The following GREB1L variants were observed in gnomAD, a reference collection of about 807,000 sequenced individuals.
GREB1L encodes GREB1 like retinoic acid receptor coactivator.
In GREB1L, 17 loss-of-function variants were observed where a neutral mutation model predicts 200.8. The ratio of observed to expected loss-of-function variants is 0.08; its 90% CI spans 0.06 to 0.13. The LOEUF (loss-of-function observed/expected upper bound fraction) is 0.13, where lower values mean the gene tolerates loss of function less well. GREB1L is among the 10% of genes least tolerant of loss of function. The probability of loss-of-function intolerance (pLI) is 1.00; values close to 1 mark genes in which losing one functional copy is unlikely to be tolerated. For missense variants in GREB1L, 1,657 were observed against 2,367.7 expected, an observed-to-expected ratio of 0.70 and a Z score of 6.23; for synonymous variants, 789 against 893.0, an observed-to-expected ratio of 0.88 and a Z score of 2.08.
At chr18:21,365,056 T>C (rs1345823121) in intron 1 of GREB1L, among the ~76,000 whole-genome samples, 1 of 152,160 alleles carries the variant, frequency 6.6e-6, no homozygotes, top group Non-Finnish European at 1.5e-5. Context: ...TTATTTTGCC[T>C]GAAGACATTC....
In GREB1L at chr18:21,250,528, T is replaced by C. The variant is rs867647208; in HGVS notation, c.-120+8135T>C. On this transcript the variant is annotated intron_variant, in intron 1 of 32. Coordinates refer to ENST00000424526, the MANE Select transcript of GREB1L (RefSeq NM_001142966.3). ...AAGTCTTAGAACTACTACTCAAATG[T>C]ATCATTCTGTAATTTTAGTTATTTT... Among the ~76,000 whole-genome samples, 13 of 152,372 alleles carry C rather than the reference T, an allele frequency of 8.5e-5. No individual in the cohort carries two copies. In the South Asian group the frequency reaches 1.2e-3, roughly 15 times the overall value.
At chr18:21,288,982 C>T (rs1264289467) in intron 1 of GREB1L, among the ~76,000 whole-genome samples, 1 of 152,180 alleles carries the variant, frequency 6.6e-6, no homozygotes, top group Non-Finnish European at 1.5e-5. Flanking sequence ...ATGATCCACT[C>T]GCCTCGGCCT....
chr18:21,356,271 C>T (rs780829067), intron 1 of GREB1L, among the ~76,000 whole-genome samples: 23 of 152,096 alleles, frequency 1.5e-4, no homozygotes, highest in Non-Finnish European at 2.8e-4. Context: ...GCATTAGCCA[C>T]AGCACCCAGC....
chr18:21,270,527 G>C (rs534753697), intron 1 of GREB1L, among the ~76,000 whole-genome samples: 1 of 152,270 alleles, frequency 6.6e-6, no homozygotes, highest in Admixed American at 6.5e-5. Context: ...CAGGGTGTAA[G>C]AGTTCATAGG....
At chr18:21,451,478 CTTTTTTTTTTTTTTTT>C (rs58956525) in intron 13 of GREB1L, 25 of 77,560 alleles carry the variant, frequency 3.2e-4, no homozygotes, top group Non-Finnish European at 5.0e-4. Flanking sequence ...TCCTTCCTTC[CTTTTTTTTTTTTTTTT>C]TTTTTTTTTT....
chr18:21,305,358 C>A (rs762962889), intron 1 of GREB1L, among the ~76,000 whole-genome samples: 5 of 152,118 alleles, frequency 3.3e-5, no homozygotes, highest in Non-Finnish European at 7.4e-5. Context: ...ATTTACGTAC[C>A]TGTTTGATTC....
chr18:21,286,833 GAT>G (rs1463208680), intron 1 of GREB1L, among the ~76,000 whole-genome samples: 1 of 152,100 alleles, frequency 6.6e-6, no homozygotes, highest in African/African-American at 2.4e-5. Flanking sequence ...TGTTTTTAGA[GAT>G]AGGGTCTCAC....
intron 1 of GREB1L, among the ~76,000 whole-genome samples, chr18:21,288,840 T>A (rs1215542431): frequency 6.6e-6 from 1 of 151,968 alleles, no homozygotes; most frequent in African/African-American, 2.4e-5. Flanking sequence ...TGGTTTCAAG[T>A]GATTCTCCTG....
chr18:21,433,134 A>G (rs2033290233), intron 7 of GREB1L, among the ~76,000 whole-genome samples: 1 of 152,222 alleles, frequency 6.6e-6, no homozygotes, highest in Non-Finnish European at 1.5e-5. Context: ...CAATATGTTA[A>G]GACAAATCCC....
intron 17 of GREB1L, among the ~76,000 whole-genome samples, chr18:21,484,086 C>T (rs1360031985): frequency 2.0e-5 from 3 of 151,842 alleles, no homozygotes; most frequent in Non-Finnish European, 4.4e-5. Flanking sequence ...TACTTTATCC[C>T]TGGCCCAATC....
chr18:21,386,262 AT>A (rs1371481470), intron 4 of GREB1L, among the ~76,000 whole-genome samples: 2 of 152,118 alleles, frequency 1.3e-5, no homozygotes, highest in Admixed American at 6.6e-5. Context: ...CACAAAGTTT[AT>A]AATTAATTTG....
chr18:21,243,671 G>A (rs555083166), intron 1 of GREB1L, among the ~76,000 whole-genome samples: 2 of 152,298 alleles, frequency 1.3e-5, no homozygotes, highest in South Asian at 4.1e-4. Context: ...TTTGAGTGTT[G>A]TGACTGTGTT....
rs561087558 is a variant in GREB1L at position 21,283,757 on chromosome 18, A to G, written c.-120+41364A>G. 6.6e-5 allele frequency among the ~76,000 whole-genome samples: 10 copies of G among 152,182 alleles called. No homozygotes were observed. In the Middle Eastern group the frequency reaches 0.014, roughly 207 times the overall value. On this transcript the variant is annotated intron_variant, in intron 1 of 32. Coordinates refer to ENST00000424526, the MANE Select transcript of GREB1L (RefSeq NM_001142966.3). ...TTTTGCTCTTCTGAAATGACTAGCT[A>G]TTTGCAGTCTGTATTAACTGTCTTT...
Position 21,314,334 on chromosome 18 carries a change from T to A in GREB1L, c.-119-51693T>A, listed in dbSNP as rs568069936. ...GTTTAGATAGTTTAGGAAGACCCCA[T>A]TGGTTTTGTGTGAAAGCGTGGAAAC... On this transcript the variant is annotated intron_variant, in intron 1 of 32. Transcript: ENST00000424526. Among the ~76,000 whole-genome samples the A allele has an allele frequency of 2.6e-5, 4 of 152,216 alleles. No individual in the cohort carries two copies. The South Asian group carries it at 8.3e-4, about 32-fold the overall frequency.
chr18:21,257,267 C>T (rs760791646), intron 1 of GREB1L, among the ~76,000 whole-genome samples: 46 of 151,974 alleles, frequency 3.0e-4, no homozygotes, highest in Admixed American at 5.9e-4. Flanking sequence ...TGTGCCCAGC[C>T]GCAATTAAAA....
intron 1 of GREB1L, among the ~76,000 whole-genome samples, chr18:21,268,520 TATACACACACACACAC>T (rs2038012927): frequency 1.3e-5 from 1 of 75,046 alleles, no homozygotes; most frequent in Non-Finnish European, 2.3e-5. Context: ...TGTATATATA[TATACACACACACACAC>T]ACACACACAC....
chr18:21,523,536 CTCTT>C lies in GREB1L; in HGVS notation c.*717_*720del, dbSNP rs1568084786. 6.6e-6 allele frequency: 1 copy of C among 152,208 alleles called. No individual in the cohort carries two copies. The highest frequency in any genetic ancestry group is 6.5e-5 in the Admixed American group (1 of 15,268). The allele number at this position is 152,208 out of a possible 1,614,324, so 9.4% of individuals were successfully genotyped here. ...TAGCCTAATTCCTTTGCTTTACCCA[CTCTT>C]TAAATGTGTTTCCAGTCTTTAAGAA... On this transcript the variant is annotated 3_prime_UTR_variant, in exon 33 of 33. Coordinates refer to ENST00000424526, the MANE Select transcript of GREB1L (RefSeq NM_001142966.3).
Position 21,500,537 on chromosome 18 carries a change from T to C in GREB1L, c.3970-3T>C, listed in dbSNP as rs962710159. On this transcript the variant is annotated splice_region_variant and splice_polypyrimidine_tract_variant and intron_variant, in intron 22 of 32. Transcript: ENST00000424526. ...CCTCCCCAATTAAAAATCTTTCCAT[T>C]AGGTGGGAAAGACGGGCTCCTATTT... 6.5e-7 allele frequency: 1 copy of C among 1,535,880 alleles called. No homozygotes were observed. Among genetic ancestry groups the C allele is most frequent in the Non-Finnish European group, 8.8e-7 (1 of 1,133,870 alleles).
At chr18:21,349,657 G>A (rs144585712) in intron 1 of GREB1L, among the ~76,000 whole-genome samples, 33 of 152,148 alleles carry the variant, frequency 2.2e-4, no homozygotes, top group Non-Finnish European at 3.4e-4. Context: ...TGAACTGTGT[G>A]TGTGAGGGAT....
Sources: gnomAD v4.1 joint callset for allele counts (sites outside exome capture counted in the v4.1 genomes callset) on GRCh38, gnomAD v4.1.1 for gene constraint, MANE v1.5 for transcripts, NCBI Gene and HGNC (gene_info 2026-07-23, HGNC 2026-07-21) for gene names.